CAND2: variants seen among roughly 807,000 people sequenced by gnomAD.
CAND2 encodes cullin associated and neddylation dissociated 2 (putative), also known as cullin-associated NEDD8-dissociated protein 2.
A neutral mutation model predicts 98.9 loss-of-function variants in CAND2; 62 were observed. The ratio of observed to expected loss-of-function variants is 0.63; its 90% CI spans 0.51 to 0.77. The LOEUF (loss-of-function observed/expected upper bound fraction) is 0.77, where lower values mean the gene tolerates loss of function less well. Among genes scored for constraint, CAND2 ranks in the 30% least tolerant of loss-of-function variants. The probability of loss-of-function intolerance (pLI) is 0.00; values close to 1 mark genes in which losing one functional copy is unlikely to be tolerated. For synonymous variants in CAND2, 770 were observed against 731.9 expected, an observed-to-expected ratio of 1.05 and a Z score of -0.84; for missense variants, 1,501 against 1,655.2, an observed-to-expected ratio of 0.91 and a Z score of 1.62.
At chr3:12,802,163 TAAA>T (rs1335440812) in intron 1 of CAND2, among the ~76,000 whole-genome samples, 3 of 152,092 alleles carry the variant, frequency 2.0e-5, no homozygotes, top group Non-Finnish European at 2.9e-5. Context: ...CCACCTCTAC[TAAA>T]AATACAAAAA....
chr3:12,796,923 GCCCCCCTCCCCACAGGCCCAC>G, intron 1 of CAND2, 135 bp downstream of exon 1: 1 of 742,300 alleles, frequency 1.3e-6, no homozygotes, highest in South Asian at 1.6e-5. Context: ...GCATTAAGCT[GCCCCCCTCCCCACAGGCCCAC>G]TCCTGCCTCG....
At position 12,816,616 on chromosome 3, in the gene CAND2, G is replaced by A; in HGVS notation, c.1684G>A (p.Asp562Asn). 1 of 1,613,912 alleles carries A rather than the reference G, an allele frequency of 6.2e-7. No individual in the cohort carries two copies. The highest frequency in any genetic ancestry group is 1.1e-5 in the South Asian group (1 of 91,090). ...GCCGCTGCACAGGCCTCGGATGCTGGATCCTGAGCCATATGTTGGAGAGAT... is the reference window on the plus strand; with the variant it reads ...GCCGCTGCACAGGCCTCGGATGCTGAATCCTGAGCCATATGTTGGAGAGAT... ...LWPLHRPRMLDPEPYVGEMSA... is the reference protein window; with the variant it reads ...LWPLHRPRMLNPEPYVGEMSA... Residue 562 changes from aspartate (D) to asparagine (N), a missense_variant, in exon 10 of 15, where the codon GAT becomes AAT. Physicochemically the swap from Asp to Asn is conservative, Grantham distance 23. Around this residue, in one of 3 missense-constraint regions of CAND2, gnomAD observed 1,427 missense variants for 1,545.3 expected, o/e 0.92. Coordinates refer to ENST00000456430, the MANE Select transcript of CAND2 (RefSeq NM_001162499.2).
Position 12,817,435 on chromosome 3 carries a change from TC to T in CAND2, c.2505del (p.Ser836AlafsTer27). 1 of 1,613,682 alleles carries T rather than the reference TC, an allele frequency of 6.2e-7. No homozygotes were observed. The highest frequency in any genetic ancestry group is 8.5e-7 in the Non-Finnish European group (1 of 1,179,982). ...RLVCDARSPHSSTGVKVLAFL... is the reference protein window; with the variant it reads ...RLVCDARSPHXSTGVKVLAFL... Reference sequence around the variant, plus strand: ...GGTCTGCGATGCCAGGTCGCCCCACTCCAGCACGGGGGTCAAGGTCCTGGCA... The same window carrying T: ...GGTCTGCGATGCCAGGTCGCCCCACTCAGCACGGGGGTCAAGGTCCTGGCA... On this transcript the variant is annotated frameshift_variant, in exon 10 of 15. Transcript: ENST00000456430. LOFTEE classifies it high-confidence loss of function.
intron 2 of CAND2, 50 bp from the exon 3 acceptor site, chr3:12,807,256 C>T (rs1395308265): frequency 1.3e-6 from 2 of 1,516,780 alleles, no homozygotes; most frequent in East Asian, 2.5e-5. Flanking sequence ...GGCAGCCTGA[C>T]TCAGGCTGAA....
rs1183828017 is a variant in CAND2, at chr3:12,808,301, A to G, written c.459A>G (p.Glu153=). Residue 153 remains glutamate, a synonymous_variant, in exon 4 of 15, where the codon GAA becomes GAG. Coordinates refer to ENST00000456430, the MANE Select transcript of CAND2 (RefSeq NM_001162499.2). ...AQQEDVAVQL[E]ALDILSDMLS... The stretch of plus-strand genomic sequence containing the variant: ...AGGAGGATGTGGCTGTGCAGCTGGA[A>G]GCCCTGGACATCCTCTCTGACATGC... 2 of 1,551,468 alleles carry G rather than the reference A, an allele frequency of 1.3e-6. No individual in the cohort carries two copies. The highest frequency in any genetic ancestry group is 4.9e-5 in the East Asian group (2 of 40,912).
chr3:12,815,540 A>G lies in CAND2; in HGVS notation c.1299+107A>G, dbSNP rs1559552778. The stretch of plus-strand genomic sequence containing the variant: ...CAGCTGGGAGAACATCCAGCCATGG[A>G]AGGGAAGGGAAGGGGTCCCTGGGGT... On this transcript the variant is annotated intron_variant, in intron 8 of 14. Transcript: ENST00000456430. The surrounding 1 kb of genome is among the most constrained non-coding windows in gnomAD (Gnocchi z 5.7). 2.4e-5 allele frequency: 27 copies of G among 1,131,920 alleles called. No homozygotes were observed. The highest frequency in any genetic ancestry group is 3.3e-5 in the Non-Finnish European group (27 of 808,970). 70.1% of individuals were successfully genotyped at this position (1,131,920 alleles called of 1,614,324 possible). A position where few individuals can be genotyped will look rare whatever the true frequency, so the allele number is the denominator to read the frequency against.
At chr3:12,825,199 C>T (rs766208712) in intron 11 of CAND2, among the ~76,000 whole-genome samples, 2 of 151,770 alleles carry the variant, frequency 1.3e-5, no homozygotes, top group Non-Finnish European at 2.9e-5. Flanking sequence ...TGTTACGACT[C>T]CCATTTTACA....
In CAND2 at chr3:12,815,181, G is replaced by A; in HGVS notation, c.1047G>A (p.Trp349Ter). 6.2e-7 allele frequency: 1 copy of A among 1,613,478 alleles called. No homozygotes were observed. The change falls in exon 8 of 15, where the codon TGG becomes TGA. Residue 349 changes from tryptophan (W) to a stop codon, truncating the protein, a stop_gained. Coordinates refer to ENST00000456430, the MANE Select transcript of CAND2 (RefSeq NM_001162499.2). LOFTEE classifies it high-confidence loss of function. The surrounding 1 kb of genome is among the most constrained non-coding windows in gnomAD (Gnocchi z 5.7). The part of the protein sequence containing the change: ...DEYSDDDDMS[W>*]KVRRAAAKCI... Reference sequence around the variant, plus strand: ...ACAGCGATGACGATGACATGAGCTGGAAGGTGCGCCGGGCAGCTGCCAAGT... The same window carrying A: ...ACAGCGATGACGATGACATGAGCTGAAAGGTGCGCCGGGCAGCTGCCAAGT...
intron 13 of CAND2, 99 bp downstream of exon 13, chr3:12,827,703 G>A: frequency 2.6e-6 from 3 of 1,155,302 alleles, no homozygotes; most frequent in Non-Finnish European, 2.4e-6. Flanking sequence ...CCTACTCCAG[G>A]CACCCAATGA....
intron 13 of CAND2, among the ~76,000 whole-genome samples, chr3:12,830,783 C>CA (rs1262337461): frequency 6.6e-6 from 1 of 152,234 alleles, no homozygotes; most frequent in Non-Finnish European, 1.5e-5. Flanking sequence ...AGCCAAGAGT[C>CA]ATAGCTCCTG....
Position 12,815,966 on chromosome 3 carries a change from C to T in CAND2, c.1399C>T (p.Leu467Phe). 1 of 1,613,936 alleles carries T rather than the reference C, an allele frequency of 6.2e-7. No individual in the cohort carries two copies. Among genetic ancestry groups the T allele is most frequent in the Non-Finnish European group, 8.5e-7 (1 of 1,179,962 alleles). The change falls in exon 9 of 15, where the codon CTC becomes TTC. Residue 467 changes from leucine to phenylalanine, a missense_variant. Transcript: ENST00000456430. The surrounding 1 kb of genome is among the most constrained non-coding windows in gnomAD (Gnocchi z 5.7). ...FSLLTELAGV[L>F]PGSLAEHMPV... Reference sequence around the variant, plus strand: ...CCTCCTCACCGAGCTGGCGGGTGTCCTCCCAGGCAGCCTGGCCGAGCATAT... The same window carrying T: ...CCTCCTCACCGAGCTGGCGGGTGTCTTCCCAGGCAGCCTGGCCGAGCATAT...
chr3:12,807,695 G>T (rs2061818507), intron 3 of CAND2, among the ~76,000 whole-genome samples: 1 of 152,196 alleles, frequency 6.6e-6, no homozygotes, highest in Non-Finnish European at 1.5e-5. Flanking sequence ...GCAGTTTAAA[G>T]AAATCAGGGG....
At chr3:12,808,669 A>G (rs2061825986) in intron 4 of CAND2, among the ~76,000 whole-genome samples, 1 of 152,214 alleles carries the variant, frequency 6.6e-6, no homozygotes, top group African/African-American at 2.4e-5. Context: ...TAAGCACAAC[A>G]GTAAGGATAA....
In CAND2 at chr3:12,831,470, G is replaced by T; in HGVS notation, c.3381G>T (p.Leu1127=). Residue 1127 remains leucine (L), a synonymous_variant, in exon 14 of 15, where the codon CTG becomes CTT. Transcript: ENST00000456430. ...CATCTCCTTCCTCTGGGCAGATGCT[G>T]ACCTTCATCATGGTTGCCCGGCTGG... is the stretch of plus-strand genomic sequence containing the variant. The part of the protein sequence containing the change: ...GLKDHYDIRM[L]TFIMVARLAT... 2 of 1,613,826 alleles carry T rather than the reference G, an allele frequency of 1.2e-6. No homozygotes were observed. The highest frequency in any genetic ancestry group is 1.7e-6 in the Non-Finnish European group (2 of 1,179,822).
chr3:12,812,390 ATTTTTTTTT>A (rs35620069), intron 5 of CAND2, among the ~76,000 whole-genome samples: 3 of 66,730 alleles, frequency 4.5e-5, no homozygotes, highest in Non-Finnish European at 8.2e-5. Flanking sequence ...TGCCCGGCTA[ATTTTTTTTT>A]TTTTTTTTTT....
chr3:12,815,737 C>A lies in CAND2; in HGVS notation c.1300-130C>A. 1.1e-6 allele frequency: 1 copy of A among 903,152 alleles called. No homozygotes were observed. The highest frequency in any genetic ancestry group is 1.7e-5 in the South Asian group (1 of 59,254). 55.9% of individuals were successfully genotyped at this position (903,152 alleles called of 1,614,324 possible). ...CAAAAGCCTGGCACAGAGTGAGGGA[C>A]GAGTGCTTGGGAGATATCTTGATGC... On this transcript the variant is annotated intron_variant, in intron 8 of 14. Coordinates refer to ENST00000456430, the MANE Select transcript of CAND2 (RefSeq NM_001162499.2). The surrounding 1 kb of genome is among the most constrained non-coding windows in gnomAD (Gnocchi z 5.7).
At chr3:12,829,321 T>C (rs796915627) in intron 13 of CAND2, among the ~76,000 whole-genome samples, 21 of 152,186 alleles carry the variant, frequency 1.4e-4, no homozygotes, top group African/African-American at 4.8e-4. Flanking sequence ...AATTTTTATA[T>C]GTTTTAGTAG....
Position 12,812,998 on chromosome 3 carries a change from C to A in CAND2, c.766C>A (p.Leu256Met). 6.4e-7 allele frequency: 1 copy of A among 1,570,704 alleles called. No homozygotes were observed. Among genetic ancestry groups the A allele is most frequent in the Non-Finnish European group, 8.6e-7 (1 of 1,158,312 alleles). ...RQAGHRLGAHLDRLVPLVEDF... is the reference protein window; with the variant it reads ...RQAGHRLGAHMDRLVPLVEDF... ...TCCACCTGGCCCTGCAGGGGCTCAC[C>A]TGGACCGCCTGGTGCCCCTGGTGGA... Residue 256 changes from leucine (L) to methionine (M), a missense_variant, in exon 6 of 15, where the codon CTG becomes ATG. Physicochemically the swap from Leu to Met is conservative, Grantham distance 15. Around this residue, in one of 3 missense-constraint regions of CAND2, gnomAD observed 1,427 missense variants for 1,545.3 expected, o/e 0.92. Transcript: ENST00000456430.
At position 12,833,842 on chromosome 3, in the gene CAND2, A is replaced by C; in HGVS notation, c.3571A>C (p.Ile1191Leu). Residue 1191 changes from isoleucine (I) to leucine (L), a missense_variant, in exon 15 of 15, where the codon ATC becomes CTC. Ile to Leu is a conservative substitution (Grantham distance 5). Transcript: ENST00000456430. ...GAGGGCAGTGGCTGCCCTGCTGACC[A>C]TCCCCGAGGTGGGGAAAAGCCCCAT... ...AMRAVAALLT[I>L]PEVGKSPIMA... The C allele has an allele frequency of 6.2e-7, 1 of 1,614,180 alleles. No individual in the cohort carries two copies. The highest frequency in any genetic ancestry group is 8.5e-7 in the Non-Finnish European group (1 of 1,179,992).
Sources: gnomAD v4.1 joint callset for allele counts (sites outside exome capture counted in the v4.1 genomes callset) on GRCh38, gnomAD v4.1.1 for gene constraint, gnomAD v4.1.1 regional missense constraint, Gnocchi (gnomAD v3.1) non-coding constraint, MANE v1.5 for transcripts, NCBI Gene and HGNC (gene_info 2026-07-23, HGNC 2026-07-21) for gene names.